Variants in NUDCD3 observed in about 807,000 individuals in gnomAD.
NUDCD3 encodes nudC domain-containing protein 3.
In NUDCD3, 13 loss-of-function variants were observed where a neutral mutation model predicts 39.7. The observed-to-expected ratio is 0.33, with a 90% confidence interval of 0.21 to 0.52. The LOEUF (loss-of-function observed/expected upper bound fraction) is 0.52, where lower values mean the gene tolerates loss of function less well. NUDCD3 is among the 20% of genes least tolerant of loss of function. NUDCD3 has a pLI of 0.96. For synonymous variants in NUDCD3, 175 were observed against 172.4 expected, an observed-to-expected ratio of 1.02 and a Z score of -0.12; for missense variants, 453 against 458.1, an observed-to-expected ratio of 0.99 and a Z score of 0.10.
chr7:44,463,026 G>C lies in NUDCD3; in HGVS notation c.509+21942C>G, dbSNP rs146579306. 2.3e-3 allele frequency among the ~76,000 whole-genome samples: 348 copies of C among 150,712 alleles called. 3 individuals carry two copies. The highest frequency in any genetic ancestry group is 8.4e-3 in the African/African-American group (344 of 40,928). On this transcript the variant is annotated intron_variant, in intron 2 of 5. Coordinates refer to ENST00000355451, the MANE Select transcript of NUDCD3 (RefSeq NM_015332.4). ...ATACAAAAGATTTATAGTATCTTTT[G>C]CATTGTATGAGTGCCCATGGCCCTC...
intron 2 of NUDCD3, among the ~76,000 whole-genome samples, chr7:44,471,234 G>T (rs1434872948): frequency 2.6e-5 from 4 of 152,154 alleles, no homozygotes. Flanking sequence ...ATTTGCATAT[G>T]CACGTCCTCA....
At chr7:44,410,372 T>C (rs149071401) in intron 3 of NUDCD3, among the ~76,000 whole-genome samples, 1 of 152,218 alleles carries the variant, frequency 6.6e-6, no homozygotes, top group East Asian at 1.9e-4. Flanking sequence ...GAATTAAAAG[T>C]CTAAAAACAG....
chr7:44,391,658 C>T (rs557121838), intron 5 of NUDCD3, among the ~76,000 whole-genome samples: 2 of 152,192 alleles, frequency 1.3e-5, no homozygotes, highest in East Asian at 1.9e-4. Context: ...ATATGGGACA[C>T]GGGAAGTTAA....
chr7:44,439,047 G>A (rs991158514), intron 2 of NUDCD3, among the ~76,000 whole-genome samples: 1 of 152,204 alleles, frequency 6.6e-6, no homozygotes, highest in East Asian at 1.9e-4. Flanking sequence ...ATTACAAGCA[G>A]TGCATGAGGA....
At chr7:44,486,718 C>A (rs574960610) in intron 1 of NUDCD3, among the ~76,000 whole-genome samples, 1 of 152,182 alleles carries the variant, frequency 6.6e-6, no homozygotes, top group Non-Finnish European at 1.5e-5. Context: ...AGCAAAGCAA[C>A]AAGATCTCTC....
At chr7:44,411,585 T>C (rs1232109534) in intron 3 of NUDCD3, among the ~76,000 whole-genome samples, 3 of 152,204 alleles carry the variant, frequency 2.0e-5, no homozygotes, top group Non-Finnish European at 4.4e-5. Flanking sequence ...TCCTACTTCA[T>C]ACCCAGTAGG....
At chr7:44,423,436 C>T (rs1200750629) in intron 3 of NUDCD3, among the ~76,000 whole-genome samples, 1 of 152,188 alleles carries the variant, frequency 6.6e-6, no homozygotes, top group Non-Finnish European at 1.5e-5. Flanking sequence ...TAAGCAACTT[C>T]GGCAAAGTCT....
intron 2 of NUDCD3, among the ~76,000 whole-genome samples, chr7:44,459,594 G>T (rs1799968580): frequency 6.6e-6 from 1 of 152,098 alleles, no homozygotes; most frequent in Admixed American, 6.5e-5. Flanking sequence ...TGATAGAACT[G>T]GATAATTCTA....
intron 2 of NUDCD3, among the ~76,000 whole-genome samples, chr7:44,457,732 G>A (rs564162946): frequency 1.4e-4 from 22 of 152,166 alleles, no homozygotes; most frequent in Admixed American, 1.4e-3. Flanking sequence ...AGCCAATAAC[G>A]CACATGAAAA....
intron 1 of NUDCD3, among the ~76,000 whole-genome samples, chr7:44,489,333 T>C (rs1800683908): frequency 6.6e-6 from 1 of 152,234 alleles, no homozygotes; most frequent in Non-Finnish European, 1.5e-5. Context: ...AGTTCTGAAA[T>C]TGAATCCTAA....
intron 1 of NUDCD3, chr7:44,489,856 G>A (rs986642481): frequency 1.3e-5 from 2 of 152,386 alleles, no homozygotes; most frequent in African/African-American, 2.4e-5. Context: ...CAACTTCACT[G>A]AATGAGTATT....
At chr7:44,462,880 A>C (rs952420687) in intron 2 of NUDCD3, among the ~76,000 whole-genome samples, 3 of 151,956 alleles carry the variant, frequency 2.0e-5, no homozygotes, top group African/African-American at 7.3e-5. Flanking sequence ...TGCCTTTTTG[A>C]AAATACTCAT....
chr7:44,420,739 C>A (rs546046361), intron 3 of NUDCD3, among the ~76,000 whole-genome samples: 2 of 152,222 alleles, frequency 1.3e-5, no homozygotes, highest in South Asian at 4.2e-4. Flanking sequence ...ATTTCATATC[C>A]AGCCAAACTA....
intron 1 of NUDCD3, among the ~76,000 whole-genome samples, chr7:44,486,608 C>T (rs1800615233): frequency 6.6e-6 from 1 of 152,168 alleles, no homozygotes; most frequent in Non-Finnish European, 1.5e-5. Context: ...ACCTGAAGCC[C>T]TGACTTCATT....
intron 5 of NUDCD3, among the ~76,000 whole-genome samples, chr7:44,391,639 G>A (rs1167697632): frequency 6.6e-6 from 1 of 152,186 alleles, no homozygotes; most frequent in Non-Finnish European, 1.5e-5. Context: ...CCAAACCCAC[G>A]TGCTGGGTAT....
chr7:44,481,765 C>T (rs918471960), intron 2 of NUDCD3, among the ~76,000 whole-genome samples: 12 of 152,140 alleles, frequency 7.9e-5, no homozygotes, highest in Non-Finnish European at 1.3e-4. Flanking sequence ...ATGTTTGTGT[C>T]CCAAAATTCC....
intron 2 of NUDCD3, among the ~76,000 whole-genome samples, chr7:44,457,228 T>C (rs1799922067): frequency 6.6e-6 from 1 of 152,158 alleles, no homozygotes. Context: ...TCCTCAATGG[T>C]GAAACACTAG....
At position 44,445,884 on chromosome 7, in the gene NUDCD3, G is replaced by A. The variant is rs572477630; in HGVS notation, c.510-18181C>T. ...AAGGAGAACCGAAACCAGTACTTAA[G>A]GACACAGACTCTGGAGTCAAAAATC... On this transcript the variant is annotated intron_variant, in intron 2 of 5. Transcript: ENST00000355451. Among the ~76,000 whole-genome samples, 101 of 152,314 alleles carry A rather than the reference G, an allele frequency of 6.6e-4. 2 individuals are homozygous for A. Among genetic ancestry groups the A allele is most frequent in the Admixed American group, 2.5e-3 (38 of 15,302 alleles).
At chr7:44,406,529 A>G (rs1724460568) in intron 3 of NUDCD3, among the ~76,000 whole-genome samples, 1 of 152,186 alleles carries the variant, frequency 6.6e-6, no homozygotes, top group South Asian at 2.1e-4. Context: ...TCACAAGAAC[A>G]AGCTCACTTA....
Sources: gnomAD v4.1 joint callset for allele counts (sites outside exome capture counted in the v4.1 genomes callset) on GRCh38, gnomAD v4.1.1 for gene constraint, MANE v1.5 for transcripts, NCBI Gene and HGNC (gene_info 2026-07-23, HGNC 2026-07-21) for gene names.